PTCD3: variants seen among roughly 807,000 people sequenced by gnomAD.
PTCD3 encodes the protein small ribosomal subunit protein mS39.
A neutral mutation model predicts 101.9 loss-of-function variants in PTCD3; 89 were observed. That is an observed-to-expected ratio of 0.87 (90% CI 0.74 to 1.04). The LOEUF is 1.04. Among genes scored for constraint, PTCD3 ranks in the 50% least tolerant of loss-of-function variants. The pLI, the probability that PTCD3 is intolerant of heterozygous loss-of-function variation, is 0.00. For missense variants in PTCD3, 870 were observed against 828.2 expected (o/e 1.05, Z -0.62); for synonymous variants, 296 against 278.5 (o/e 1.06, Z -0.63).
chr2:86,140,857 T>C lies in PTCD3; in HGVS notation c.*3298T>C, dbSNP rs1046316391. 6.7e-6 allele frequency: 1 copy of C among 149,946 alleles called. No individual in the cohort carries two copies. The highest frequency in any genetic ancestry group is 2.4e-5 in the African/African-American group (1 of 40,824). 9.3% of individuals were successfully genotyped at this position (149,946 alleles called of 1,614,324 possible). ...ACTTCGGGAGGCTGAGGCTGGAGGA[T>C]TGCTTGAGTTCAAGACCAGCCTGAG... On this transcript the variant is annotated 3_prime_UTR_variant, in exon 24 of 24. Coordinates refer to ENST00000254630, the MANE Select transcript of PTCD3 (RefSeq NM_017952.6).
In PTCD3 at chr2:86,125,849, A is replaced by G. The variant is rs1480203326; in HGVS notation, c.920A>G (p.Glu307Gly). Residue 307 changes from glutamate to glycine, a missense_variant, in exon 12 of 24, where the codon GAG becomes GGG. Coordinates refer to ENST00000254630, the MANE Select transcript of PTCD3 (RefSeq NM_017952.6). ...GAAGCAACAGTATGTGCGATAAATGAGAAATTTGAGGAAAAATGGAGTAAA... is the reference window on the plus strand; with the variant it reads ...GAAGCAACAGTATGTGCGATAAATGGGAAATTTGAGGAAAAATGGAGTAAA... Reference protein sequence around the residue: ...LIEATVCAINEKFEEKWSKIL... With the variant: ...LIEATVCAINGKFEEKWSKIL... The G allele has an allele frequency of 8.1e-6, 13 of 1,607,968 alleles. No homozygotes were observed. Among genetic ancestry groups the G allele is most frequent in the Non-Finnish European group, 1.0e-5 (12 of 1,174,516 alleles).
intron 4 of PTCD3, among the ~76,000 whole-genome samples, chr2:86,115,476 G>C (rs1299529982): frequency 6.6e-6 from 1 of 152,164 alleles, no homozygotes; most frequent in Non-Finnish European, 1.5e-5. Flanking sequence ...GGCTGCTAAG[G>C]TGAGGCTCAA....
intron 8 of PTCD3, among the ~76,000 whole-genome samples, chr2:86,122,434 C>A (rs1278035825): frequency 3.9e-5 from 6 of 152,176 alleles, no homozygotes; most frequent in Admixed American, 2.6e-4. Flanking sequence ...CCCTCAGAGA[C>A]AGGGTCTCAC....
intron 17 of PTCD3, 54 bp downstream of exon 17, chr2:86,132,478 G>C (rs1674511069): frequency 4.6e-6 from 6 of 1,304,990 alleles, no homozygotes; most frequent in Non-Finnish European, 6.6e-6. Flanking sequence ...TCTGCAAGTG[G>C]GAGGCTGTTG....
chr2:86,127,419 A>G (rs1201653213), intron 13 of PTCD3, 114 bp downstream of exon 13: 36 of 1,289,442 alleles, frequency 2.8e-5, no homozygotes, highest in Non-Finnish European at 3.7e-5. Flanking sequence ...TATGTTGGAA[A>G]TTTTCTTTCC....
intron 6 of PTCD3, among the ~76,000 whole-genome samples, chr2:86,117,814 T>C (rs900690994): frequency 1.4e-4 from 21 of 152,124 alleles, no homozygotes; most frequent in African/African-American, 5.1e-4. Flanking sequence ...TCTCACTCTG[T>C]TGCCCAGGCT....
intron 14 of PTCD3, among the ~76,000 whole-genome samples, 153 bp downstream of exon 14, chr2:86,128,144 G>T (rs1176169225): frequency 6.6e-6 from 1 of 152,116 alleles, no homozygotes; most frequent in East Asian, 1.9e-4. Flanking sequence ...GAAAGTTGTG[G>T]TTTTTTTAGA....
In PTCD3 at chr2:86,108,509, A is replaced by T; in HGVS notation, c.167A>T (p.Glu56Val). Reference protein sequence around the residue: ...VEGTDVTGIEEVVIPKKKTWD... With the variant: ...VEGTDVTGIEVVVIPKKKTWD... ...TTCTTTTTTACATTAGGGATTGAAG[A>T]AGTAGTAATTCCAAAAAAGAAAACT... The change falls in exon 3 of 24, where the codon GAA becomes GTA. Residue 56 changes from glutamate to valine, a missense_variant. Coordinates refer to ENST00000254630, the MANE Select transcript of PTCD3 (RefSeq NM_017952.6). 1.3e-6 allele frequency: 2 copies of T among 1,597,818 alleles called. No individual in the cohort carries two copies. The highest frequency in any genetic ancestry group is 1.7e-6 in the Non-Finnish European group (2 of 1,175,686).
Position 86,125,070 on chromosome 2 carries a change from A to G in PTCD3, c.792A>G (p.Arg264=). The change falls in exon 10 of 24, where the codon CGA becomes CGG. Residue 264 remains arginine (R), a synonymous_variant. Coordinates refer to ENST00000254630, the MANE Select transcript of PTCD3 (RefSeq NM_017952.6). ...AACATTCCTATTGCACAATGATCCG[A>G]GGAATGGTGAAGGTACATTTGTTTT... ...KNEHSYCTMI[R]GMVKHRAYEQ... 4 of 1,613,992 alleles carry G rather than the reference A, an allele frequency of 2.5e-6. No individual in the cohort carries two copies. The highest frequency in any genetic ancestry group is 3.4e-6 in the Non-Finnish European group (4 of 1,179,996).
chr2:86,123,634 GT>G, intron 8 of PTCD3, 66 bp from the exon 9 acceptor site: 1 of 1,208,814 alleles, frequency 8.3e-7, no homozygotes, highest in Non-Finnish European at 1.2e-6. Context: ...CTGATTTTGA[GT>G]AGTCTGACTG....
At chr2:86,117,540 T>C (rs2104451534) in intron 6 of PTCD3, among the ~76,000 whole-genome samples, 1 of 151,102 alleles carries the variant, frequency 6.6e-6, no homozygotes, top group Non-Finnish European at 1.5e-5. Flanking sequence ...CTGGAACCCC[T>C]GGGCTCAAGT....
intron 20 of PTCD3, 126 bp from the exon 21 acceptor site, chr2:86,134,713 C>A: frequency 9.2e-7 from 1 of 1,083,574 alleles, no homozygotes; most frequent in Non-Finnish European, 1.4e-6. Context: ...TACTTGTGTG[C>A]TATACACATA....
chr2:86,137,282 A>G, intron 23 of PTCD3, 142 bp downstream of exon 23: 4 of 1,311,562 alleles, frequency 3.0e-6, no homozygotes, highest in Non-Finnish European at 4.1e-6. Flanking sequence ...TTCATTTGTC[A>G]TGCAAGTCAG....
chr2:86,124,573 G>A (rs1204222020), intron 9 of PTCD3, among the ~76,000 whole-genome samples: 1 of 152,160 alleles, frequency 6.6e-6, no homozygotes, highest in African/African-American at 2.4e-5. Flanking sequence ...TATGGAATGA[G>A]AGAAGAGTTA....
chr2:86,125,919 A>G, intron 12 of PTCD3, 39 bp downstream of exon 12: 1 of 1,394,200 alleles, frequency 7.2e-7, no homozygotes, highest in Non-Finnish European at 1.0e-6. Context: ...AATAGGGCTT[A>G]AATACTCTTT....
intron 22 of PTCD3, 105 bp downstream of exon 22, chr2:86,136,667 G>A: frequency 7.5e-7 from 1 of 1,328,102 alleles, no homozygotes; most frequent in Non-Finnish European, 1.1e-6. Flanking sequence ...CTTCTGTTAG[G>A]CAAGCATACC....
chr2:86,119,228 A>G, intron 7 of PTCD3, 184 bp downstream of exon 7: 1 of 748,462 alleles, frequency 1.3e-6, no homozygotes, highest in Non-Finnish European at 2.0e-6. Context: ...TAAGAATTAC[A>G]GGCGAAGTAG....
chr2:86,136,060 G>T (rs1035056896), intron 21 of PTCD3: 16 of 517,888 alleles, frequency 3.1e-5, no homozygotes, highest in Middle Eastern at 3.2e-4. Context: ...CTTTAAGAGA[G>T]GGAAACAGCA....
At position 86,134,773 on chromosome 2, in the gene PTCD3, T is replaced by C. The variant is rs546767605; in HGVS notation, c.1630-66T>C. On this transcript the variant is annotated intron_variant, in intron 20 of 23. Transcript: ENST00000254630. ...TGCTCAGATTTTAAGGATCCTGTGT[T>C]AGTCTCCTGAACTGAAATTCTCATA... The C allele has an allele frequency of 3.0e-5, 47 of 1,549,978 alleles. No individual in the cohort carries two copies. The East Asian group carries it at 1.0e-3, about 34-fold the overall frequency.
Sources: gnomAD v4.1 joint callset for allele counts (sites outside exome capture counted in the v4.1 genomes callset) on GRCh38, gnomAD v4.1.1 for gene constraint, MANE v1.5 for transcripts, NCBI Gene and HGNC (gene_info 2026-07-23, HGNC 2026-07-21) for gene names.